The following ENOX2 variants were observed in gnomAD, a reference collection of about 807,000 sequenced individuals.
ENOX2 encodes APK1 antigen.
In ENOX2, 36 loss-of-function variants were observed where a neutral mutation model predicts 45.0. The ratio of observed to expected loss-of-function variants is 0.80; its 90% confidence interval spans 0.61 to 1.06. The LOEUF is 1.06. Ranked by LOEUF, ENOX2 falls within the 50% of genes least tolerant of loss-of-function variation. The pLI is 0.00. For missense variants in ENOX2, 423 were observed against 462.5 expected (o/e 0.91, Z 0.78); for synonymous variants, 174 against 152.3 (o/e 1.14, Z -1.05).
chrX:130,805,008 G>A (rs1222627050), intron 2 of ENOX2, among the ~76,000 whole-genome samples: 6 of 111,335 alleles, frequency 5.4e-5, no homozygotes, highest in African/African-American at 2.0e-4. Flanking sequence ...CCTTATGAAA[G>A]GGGCCTGAGG....
chrX:130,861,127 A>G (rs2078401240), intron 2 of ENOX2, among the ~76,000 whole-genome samples: 1 of 111,764 alleles, frequency 8.9e-6, no homozygotes, highest in African/African-American at 3.3e-5. Flanking sequence ...AGATAAATGT[A>G]GGCAAGGATG....
chrX:130,738,810 T>C (rs1351012102), intron 3 of ENOX2, among the ~76,000 whole-genome samples: 3 of 112,195 alleles, frequency 2.7e-5, no homozygotes, highest in African/African-American at 9.7e-5. Context: ...GTTCATTAAC[T>C]CACCCCATGG....
chrX:130,744,920 A>G (rs2039065687), intron 3 of ENOX2, among the ~76,000 whole-genome samples: 1 of 111,422 alleles, frequency 9.0e-6, no homozygotes, highest in Non-Finnish European at 1.9e-5. Context: ...TTCTCATAGC[A>G]GTGCGAACCC....
chrX:130,785,628 T>TA (rs938226734), intron 2 of ENOX2, among the ~76,000 whole-genome samples: 1 of 110,732 alleles, frequency 9.0e-6, no homozygotes, highest in African/African-American at 3.3e-5. Context: ...TGCTATGTAC[T>TA]AAAAAAAAAT....
chrX:130,882,613 C>T (rs1370989063), intron 2 of ENOX2, among the ~76,000 whole-genome samples: 1 of 111,922 alleles, frequency 8.9e-6, no homozygotes, highest in Non-Finnish European at 1.9e-5. Flanking sequence ...GAAGAAAGAA[C>T]ATGAGTAGTA....
At chrX:130,689,859 C>G (rs892048537) in intron 4 of ENOX2, among the ~76,000 whole-genome samples, 1 of 111,571 alleles carries the variant, frequency 9.0e-6, no homozygotes, top group South Asian at 3.8e-4. Context: ...GGCCTATCTA[C>G]GTACATGGTT....
chrX:130,642,227 T>C (rs945041460), intron 10 of ENOX2, among the ~76,000 whole-genome samples: 1 of 111,803 alleles, frequency 8.9e-6, no homozygotes, highest in African/African-American at 3.3e-5. Flanking sequence ...TTCTCACTGA[T>C]GAATTTCAGG....
At chrX:130,662,969 T>G (rs758620707) in intron 9 of ENOX2, among the ~76,000 whole-genome samples, 98 of 111,970 alleles carry the variant, frequency 8.8e-4, no homozygotes, top group African/African-American at 2.9e-3. Context: ...TACTTTATCA[T>G]CACCACTCTG....
chrX:130,785,352 T>C (rs2076953784), intron 2 of ENOX2, among the ~76,000 whole-genome samples: 1 of 109,264 alleles, frequency 9.2e-6, no homozygotes, highest in Non-Finnish European at 1.9e-5. Context: ...AGAAATGACA[T>C]TAAATTATTA....
At chrX:130,708,152 G>C (rs1344658867) in intron 3 of ENOX2, among the ~76,000 whole-genome samples, 2 of 111,992 alleles carry the variant, frequency 1.8e-5, no homozygotes, top group African/African-American at 6.5e-5. Context: ...ACTAAATTAG[G>C]AAAATGAAAG....
intron 2 of ENOX2, among the ~76,000 whole-genome samples, chrX:130,856,909 G>A (rs2078317233): frequency 9.0e-6 from 1 of 111,687 alleles, no homozygotes; most frequent in African/African-American, 3.3e-5. Context: ...ATATGTAAAA[G>A]TACTCAGCTG....
intron 2 of ENOX2, among the ~76,000 whole-genome samples, chrX:130,833,271 C>T (rs1362471848): frequency 9.0e-6 from 1 of 111,371 alleles, no homozygotes; most frequent in Non-Finnish European, 1.9e-5. Flanking sequence ...CCCATAATTG[C>T]TCTTCCTGAT....
chrX:130,799,381 T>G (rs1214796804), intron 2 of ENOX2, among the ~76,000 whole-genome samples: 1 of 112,204 alleles, frequency 8.9e-6, no homozygotes, highest in Non-Finnish European at 1.9e-5. Flanking sequence ...TTTGAGGTTT[T>G]GGGACTCAGA....
intron 2 of ENOX2, among the ~76,000 whole-genome samples, chrX:130,800,187 A>G (rs1318303191): frequency 2.7e-5 from 3 of 111,551 alleles, no homozygotes; most frequent in African/African-American, 9.8e-5. Context: ...CATAATGACA[A>G]AAATTCCTGT....
chrX:130,769,842 A>AT (rs1252641622), intron 3 of ENOX2, among the ~76,000 whole-genome samples: 1 of 112,601 alleles, frequency 8.9e-6, no homozygotes, highest in African/African-American at 3.2e-5. Context: ...TCCTGAGAGC[A>AT]TTTTTAAAAA....
chrX:130,675,871 T>C (rs1300904860), intron 6 of ENOX2, among the ~76,000 whole-genome samples: 1 of 112,109 alleles, frequency 8.9e-6, no homozygotes, highest in East Asian at 2.8e-4. Flanking sequence ...TTTTGAAATA[T>C]GTTAAGATCA....
intron 3 of ENOX2, among the ~76,000 whole-genome samples, chrX:130,717,224 G>A (rs1432895776): frequency 8.9e-6 from 1 of 112,016 alleles, no homozygotes; most frequent in Non-Finnish European, 1.9e-5. Flanking sequence ...AAACCAACGG[G>A]TGATAAAAAT....
rs187561569 is a variant in ENOX2, at chrX:130,692,890, G to A, written c.98-3872C>T. Among the ~76,000 whole-genome samples the A allele has an allele frequency of 5.4e-5, 6 of 110,721 alleles. No individual in the cohort carries two copies. The East Asian group carries it at 1.1e-3, about 21-fold the overall frequency. ...CAGCATGAGCCACCAGGCCCAGCCCGTATTCCCTCTTCTGATTCATGTACT... is the reference window on the plus strand; with the variant it reads ...CAGCATGAGCCACCAGGCCCAGCCCATATTCCCTCTTCTGATTCATGTACT... On this transcript the variant is annotated intron_variant, in intron 4 of 14. Transcript: ENST00000394363.
At chrX:130,839,742 G>A (rs2077983486) in intron 2 of ENOX2, among the ~76,000 whole-genome samples, 1 of 111,803 alleles carries the variant, frequency 8.9e-6, no homozygotes. Context: ...CTGAACTTTA[G>A]TAGACAACCA....
Sources: allele counts gnomAD v4.1 joint callset (sites outside exome capture counted in the v4.1 genomes callset), GRCh38; gene constraint gnomAD v4.1.1; transcripts MANE v1.5; gene names NCBI Gene and HGNC (gene_info 2026-07-23, HGNC 2026-07-21).